The following CYFIP1 variants were observed in gnomAD, a reference collection of about 807,000 sequenced individuals.
CYFIP1 encodes cytoplasmic FMR1-interacting protein 1.
Under a neutral mutation model 163.5 loss-of-function variants are expected in CYFIP1, and 58 were observed. That is an observed-to-expected ratio of 0.35 (90% CI 0.29 to 0.44). The LOEUF (loss-of-function observed/expected upper bound fraction) is 0.44. Among genes scored for constraint, CYFIP1 ranks in the 20% least tolerant of loss-of-function variants. The pLI, the probability that CYFIP1 is intolerant of heterozygous loss-of-function variation, is 1.00. For missense variants in CYFIP1, 1,338 were observed against 1,653.8 expected (o/e 0.81, Z 3.31); for synonymous variants, 663 against 660.7 (o/e 1.00, Z -0.05).
At chr15:22,934,169 A>C (rs1235252092) in intron 9 of CYFIP1, among the ~76,000 whole-genome samples, 3 of 93,566 alleles carry the variant, frequency 3.2e-5, no homozygotes, top group Admixed American at 2.2e-4. Context: ...AAATCACTGC[A>C]TTTCTTTCTT....
intron 30 of CYFIP1, 115 bp downstream of exon 30, chr15:22,872,710 G>T: frequency 2.9e-6 from 3 of 1,034,832 alleles, no homozygotes; most frequent in Non-Finnish European, 4.2e-6. Context: ...AGTTTCTGTT[G>T]GTGGCACCTT....
rs140750865 is a variant in CYFIP1 at position 22,870,164 on chromosome 15, C to A, written c.3626G>T (p.Arg1209Leu). ...CTCATCATTGAGAATCTGGAACTTG[C>A]GAATTCTCTCCACCATCTTCTTCAA... The part of the protein sequence containing the change: ...VPLKKMVERI[R>L]KFQILNDEII... Residue 1209 changes from arginine to leucine, a missense_variant, in exon 31 of 31, where the codon CGC becomes CTC. Coordinates refer to ENST00000617928, the MANE Select transcript of CYFIP1 (RefSeq NM_014608.6). The A allele has an allele frequency of 6.2e-7, 1 of 1,609,926 alleles. No homozygotes were observed. Among genetic ancestry groups the A allele is most frequent in the Middle Eastern group, 1.7e-4 (1 of 6,050 alleles).
At chr15:22,899,832 G>C (rs1003746153) in intron 22 of CYFIP1, among the ~76,000 whole-genome samples, 2 of 152,144 alleles carry the variant, frequency 1.3e-5, no homozygotes, top group Non-Finnish European at 2.9e-5. Context: ...TGGATCACCT[G>C]AGGTTGGGAA....
chr15:22,939,633 G>T, intron 6 of CYFIP1, 126 bp from the exon 7 acceptor site: 1 of 794,208 alleles, frequency 1.3e-6, no homozygotes, highest in Non-Finnish European at 1.9e-6. Context: ...AGAAATGTGG[G>T]TCAATCTCAG....
At chr15:22,965,551 C>T (rs1449882988) in intron 1 of CYFIP1, among the ~76,000 whole-genome samples, 1 of 152,084 alleles carries the variant, frequency 6.6e-6, no homozygotes, top group African/African-American at 2.4e-5. Context: ...AGGCGTGCAG[C>T]AGGCAGTACC....
At chr15:22,912,143 A>C (rs778926108) in intron 18 of CYFIP1, 36 bp downstream of exon 18, 1 of 1,531,812 alleles carries the variant, frequency 6.5e-7, no homozygotes, top group Non-Finnish European at 9.0e-7. Context: ...ATTTAATTGA[A>C]GGAAATGAAC....
At chr15:22,912,956 G>A (rs2060834777) in intron 17 of CYFIP1, among the ~76,000 whole-genome samples, 2 of 151,980 alleles carry the variant, frequency 1.3e-5, no homozygotes, top group Non-Finnish European at 2.9e-5. Flanking sequence ...AGCACTTTAG[G>A]TGGATGAGGC....
chr15:22,967,696 G>C (rs2062958423), intron 1 of CYFIP1, among the ~76,000 whole-genome samples: 1 of 152,160 alleles, frequency 6.6e-6, no homozygotes, highest in African/African-American at 2.4e-5. Flanking sequence ...CCCATCACAG[G>C]TCACAGTCAA....
intron 22 of CYFIP1, among the ~76,000 whole-genome samples, chr15:22,899,711 A>C (rs924788916): frequency 6.6e-6 from 1 of 152,186 alleles, no homozygotes; most frequent in Non-Finnish European, 1.5e-5. Flanking sequence ...AAAATGGACT[A>C]ATACACATGC....
intron 1 of CYFIP1, among the ~76,000 whole-genome samples, chr15:22,952,899 C>A (rs573084952): frequency 1.4e-4 from 21 of 152,168 alleles, no homozygotes; most frequent in African/African-American, 2.4e-4. Context: ...ATCAGAGCAC[C>A]GTGCGGAGTG....
intron 23 of CYFIP1, among the ~76,000 whole-genome samples, chr15:22,889,011 C>G (rs2059996605): frequency 4.0e-5 from 6 of 151,548 alleles, no homozygotes; most frequent in Non-Finnish European, 5.9e-5. Context: ...CACCACTGTA[C>G]TCCAGCCTAG....
At position 22,917,579 on chromosome 15, in the gene CYFIP1, C is replaced by T; in HGVS notation, c.1674+209G>A. ...TCAGACTCCTTTTTAGTGCACATGA[C>T]ACATCTGACAATCAAGGCACGTCTC... On this transcript the variant is annotated intron_variant, in intron 15 of 30. Transcript: ENST00000617928. The surrounding 1 kb of genome is among the most constrained non-coding windows in gnomAD (Gnocchi z 4.2). The T allele has an allele frequency of 1.6e-6, 1 of 633,208 alleles. No homozygotes were observed. The highest frequency in any genetic ancestry group is 3.1e-5 in the East Asian group (1 of 32,104). The allele number at this position is 633,208 out of a possible 1,614,324, so 39.2% of individuals were successfully genotyped here. A position where few individuals can be genotyped will look rare whatever the true frequency, so the allele number is the denominator to read the frequency against.
At chr15:22,904,457 C>T (rs770940194) in intron 21 of CYFIP1, 214 of 167,344 alleles carry the variant, frequency 1.3e-3, no homozygotes, top group Non-Finnish European at 2.0e-3. Context: ...ACCTGAGGCG[C>T]ACTACATGAG....
At chr15:22,935,399 C>T (rs1396474098) in intron 9 of CYFIP1, among the ~76,000 whole-genome samples, 1 of 152,198 alleles carries the variant, frequency 6.6e-6, no homozygotes, top group Admixed American at 6.5e-5. Context: ...GAAACCCCTA[C>T]CTCCTACCAC....
At chr15:22,907,795 C>T (rs1051254155) in intron 21 of CYFIP1, among the ~76,000 whole-genome samples, 3 of 152,204 alleles carry the variant, frequency 2.0e-5, no homozygotes, top group African/African-American at 7.2e-5. Flanking sequence ...GGCCCGCTCA[C>T]TGAGGTCCCC....
intron 20 of CYFIP1, among the ~76,000 whole-genome samples, chr15:22,909,810 A>T (rs2060721974): frequency 1.3e-5 from 2 of 152,126 alleles, no homozygotes; most frequent in African/African-American, 4.8e-5. Context: ...CAGGCATGCA[A>T]TGTGAATCTT....
At chr15:22,905,463 T>C (rs1297124307) in intron 21 of CYFIP1, 2 of 151,786 alleles carry the variant, frequency 1.3e-5, no homozygotes. Flanking sequence ...TAATTTCTTT[T>C]TGATTTTAAA....
chr15:22,946,119 A>C (rs1186061627), intron 3 of CYFIP1, among the ~76,000 whole-genome samples: 1 of 151,756 alleles, frequency 6.6e-6, no homozygotes, highest in African/African-American at 2.4e-5. Flanking sequence ...CCTGGGCAAC[A>C]TGGTGAGACC....
At chr15:22,873,776 A>T (rs1452568324) in intron 28 of CYFIP1, 47 bp from the exon 29 acceptor site, 1 of 1,481,534 alleles carries the variant, frequency 6.7e-7, no homozygotes, top group African/African-American at 1.4e-5. Flanking sequence ...CCAGGCATCC[A>T]GCTACTCCAC....
Sources: gnomAD v4.1 joint callset for allele counts (sites outside exome capture counted in the v4.1 genomes callset) on GRCh38, gnomAD v4.1.1 for gene constraint, Gnocchi (gnomAD v3.1) non-coding constraint, MANE v1.5 for transcripts, NCBI Gene and HGNC (gene_info 2026-07-23, HGNC 2026-07-21) for gene names.